NLRP5: variants seen among roughly 807,000 people sequenced by gnomAD.
NLRP5 encodes NACHT, LRR and PYD domains-containing protein 5.
A neutral mutation model predicts 113.1 loss-of-function variants in NLRP5; 93 were observed. The ratio of observed to expected loss-of-function variants is 0.82; its 90% CI spans 0.70 to 0.98. The LOEUF (loss-of-function observed/expected upper bound fraction) is 0.98, where lower values mean the gene tolerates loss of function less well. NLRP5 is among the 50% of genes least tolerant of loss of function. NLRP5 has a pLI of 0.00. For missense variants in NLRP5, 1,808 were observed against 1,514.3 expected (o/e 1.19, Z -3.22); for synonymous variants, 751 against 600.7 (o/e 1.25, Z -3.66).
intron 7 of NLRP5, among the ~76,000 whole-genome samples, chr19:56,032,099 C>T (rs1423851746): frequency 6.6e-6 from 1 of 152,112 alleles, no homozygotes; most frequent in African/African-American, 2.4e-5. Flanking sequence ...AATCCCAGCA[C>T]CTTAGGAGGC....
At chr19:56,036,268 C>G (rs1006953337) in intron 9 of NLRP5, among the ~76,000 whole-genome samples, 1 of 151,654 alleles carries the variant, frequency 6.6e-6, no homozygotes, top group Non-Finnish European at 1.5e-5. Context: ...AGGGTTTCAC[C>G]AGGTTAGCCA....
At chr19:56,038,275 G>A (rs1983394975) in intron 10 of NLRP5, 80 bp downstream of exon 10, 2 of 1,463,934 alleles carry the variant, frequency 1.4e-6, no homozygotes, top group African/African-American at 1.4e-5. Context: ...AGGTCATGGT[G>A]GGAGGGAAAT....
intron 13 of NLRP5, among the ~76,000 whole-genome samples, chr19:56,054,117 G>T (rs1235946530): frequency 1.3e-5 from 2 of 152,206 alleles, no homozygotes; most frequent in Non-Finnish European, 1.5e-5. Flanking sequence ...AAAGACCTTT[G>T]TGTTGTAGTG....
At chr19:56,038,537 G>A (rs879708608) in intron 10 of NLRP5, among the ~76,000 whole-genome samples, 4 of 152,150 alleles carry the variant, frequency 2.6e-5, no homozygotes, top group African/African-American at 9.7e-5. Flanking sequence ...CCCACCACTG[G>A]AGAGGTATAC....
upstream of NLRP5, among the ~76,000 whole-genome samples, chr19:55,997,731 C>T (rs1036087337): frequency 2.0e-4 from 30 of 152,044 alleles, no homozygotes; most frequent in African/African-American, 7.2e-4. Flanking sequence ...GGTGTGGTGG[C>T]TGGCACCTGT....
rs572793948 is a variant in NLRP5, at chr19:56,004,559, G to A, written c.442+464G>A. ...GATAACATTGGTAGTGGTTTGGTGC[G>A]AGTCTCGTGCTTGGCCGTGGGATGA... On this transcript the variant is annotated intron_variant, in intron 2 of 14. Transcript: ENST00000390649. Among the ~76,000 whole-genome samples the A allele has an allele frequency of 4.6e-5, 7 of 152,228 alleles. No homozygotes were observed. The South Asian group carries it at 8.3e-4, about 18-fold the overall frequency.
intron 7 of NLRP5, among the ~76,000 whole-genome samples, chr19:56,030,913 C>T (rs943734733): frequency 2.0e-5 from 3 of 151,660 alleles, no homozygotes; most frequent in Non-Finnish European, 4.4e-5. Context: ...GGGGTTTCAC[C>T]ATATTGGCCA....
intron 2 of NLRP5, among the ~76,000 whole-genome samples, chr19:56,005,193 TTATATA>T (rs1327480722): frequency 1.4e-5 from 2 of 141,842 alleles, no homozygotes; most frequent in Non-Finnish European, 3.0e-5. Context: ...ACACATATTT[TTATATA>T]CACATACACA....
Position 56,008,864 on chromosome 19 carries a change from T to A in NLRP5, c.508+11T>A. 1 of 1,609,750 alleles carries A rather than the reference T, an allele frequency of 6.2e-7. No individual in the cohort carries two copies. The highest frequency in any genetic ancestry group is 8.5e-7 in the Non-Finnish European group (1 of 1,177,906). On this transcript the variant is annotated intron_variant, in intron 3 of 14. Coordinates refer to ENST00000390649, the MANE Select transcript of NLRP5 (RefSeq NM_153447.4). ...AGGAAAAAGTGCCAGGTTAGAGGGG[T>A]GGAGTTGGGGGAAATAGGATGTGCT...
intron 11 of NLRP5, among the ~76,000 whole-genome samples, chr19:56,041,959 AAAAC>A (rs567905406): frequency 1.7e-4 from 26 of 152,296 alleles, no homozygotes; most frequent in South Asian, 6.2e-4. Flanking sequence ...ACTGCATCAC[AAAAC>A]AAACAAAATT....
At chr19:56,055,694 C>G (rs558335487) in intron 13 of NLRP5, among the ~76,000 whole-genome samples, 1 of 151,258 alleles carries the variant, frequency 6.6e-6, no homozygotes, top group Non-Finnish European at 1.5e-5. Context: ...TACAGGTGCC[C>G]GCCACCACGC....
the NLRP5 span, among the ~76,000 whole-genome samples, chr19:55,989,644 T>C: frequency 1.3e-5 from 2 of 152,190 alleles, no homozygotes; most frequent in Admixed American, 1.3e-4. Flanking sequence ...TTCCCTATTT[T>C]CTGCTCATCA....
intron 12 of NLRP5, among the ~76,000 whole-genome samples, chr19:56,051,731 TCTC>T (rs1983937577): frequency 6.6e-6 from 1 of 152,110 alleles, no homozygotes; most frequent in African/African-American, 2.4e-5. Flanking sequence ...AATTTAAAAA[TCTC>T]CTAAAGCTGG....
intron 3 of NLRP5, among the ~76,000 whole-genome samples, chr19:56,015,130 T>C (rs1239369555): frequency 1.3e-5 from 2 of 152,238 alleles, no homozygotes; most frequent in Non-Finnish European, 1.5e-5. Flanking sequence ...ATTTCATTTG[T>C]TAAATTTGTC....
At chr19:56,024,521 A>ATATG (rs150111273) in intron 6 of NLRP5, among the ~76,000 whole-genome samples, 57,104 of 111,312 alleles carry the variant, frequency 0.51, 11,515 homozygotes, top group African/African-American at 0.55. Context: ...ATGTGTATGT[A>ATATG]TATGTATACA....
intron 4 of NLRP5, among the ~76,000 whole-genome samples, chr19:56,018,332 C>T (rs992878741): frequency 3.3e-5 from 5 of 152,122 alleles, no homozygotes; most frequent in African/African-American, 1.2e-4. Flanking sequence ...TATCCTAAGA[C>T]GAATTTGTAT....
At chr19:56,029,064 G>A (rs1168934976) in intron 7 of NLRP5, among the ~76,000 whole-genome samples, 1 of 151,674 alleles carries the variant, frequency 6.6e-6, no homozygotes, top group Non-Finnish European at 1.5e-5. Flanking sequence ...CCCCTCCCAT[G>A]AATGTGACCG....
At chr19:56,009,339 C>CAA (rs71296979) in intron 3 of NLRP5, among the ~76,000 whole-genome samples, 2,330 of 44,284 alleles carry the variant, frequency 0.053, 220 homozygotes, top group Admixed American at 0.083. Flanking sequence ...GACTCCATCT[C>CAA]AAAAAAAAAA....
chr19:56,028,107 G>C lies in NLRP5; in HGVS notation c.1874G>C (p.Gly625Ala). The change falls in exon 7 of 15, where the codon GGC (glycine) becomes GCC (alanine). Residue 625 changes from glycine (G) to alanine (A), a missense_variant. Transcript: ENST00000390649. ...AGGTCCATGGAGCTTAAACAGGCAG[G>C]CTTCCATATCCACTCGCTTTGGATG... 4 of 1,614,040 alleles carry C rather than the reference G, an allele frequency of 2.5e-6. No individual in the cohort carries two copies. Among genetic ancestry groups the C allele is most frequent in the Non-Finnish European group, 3.4e-6 (4 of 1,179,892 alleles).
Sources: gnomAD v4.1 joint callset for allele counts (sites outside exome capture counted in the v4.1 genomes callset) on GRCh38, gnomAD v4.1.1 for gene constraint, MANE v1.5 for transcripts, NCBI Gene and HGNC (gene_info 2026-07-23, HGNC 2026-07-21) for gene names.